RNF17: variants seen among roughly 807,000 people sequenced by gnomAD.
The protein encoded by RNF17 is spermatogenesis associated 23.
A neutral mutation model predicts 200.5 loss-of-function variants in RNF17; 31 were observed. The observed-to-expected ratio is 0.15, with a 90% CI of 0.12 to 0.21. RNF17 has a LOEUF of 0.21. RNF17 is among the 10% of genes least tolerant of loss of function. The pLI, the probability that RNF17 is intolerant of heterozygous loss-of-function variation, is 1.00. For synonymous variants in RNF17, 606 were observed against 637.8 expected (o/e 0.95, Z 0.75); for missense variants, 1,628 against 1,905.1 (o/e 0.85, Z 2.71).
At chr13:24,883,503 T>C (rs1396768379), downstream of RNF17, 17 of 609,542 alleles carry the variant, frequency 2.8e-5, no homozygotes, top group Middle Eastern at 4.4e-4. Context: ...CCCTATACAA[T>C]TGTAACTTTC....
intron 15 of RNF17, among the ~76,000 whole-genome samples, chr13:24,812,110 G>C (rs889502680): frequency 6.8e-6 from 1 of 147,368 alleles, no homozygotes; most frequent in African/African-American, 2.4e-5. Context: ...TCTGTGCCCT[G>C]CCCCCAGAGG....
downstream of RNF17, chr13:24,884,084 CT>C: frequency 6.3e-7 from 1 of 1,575,026 alleles, no homozygotes; most frequent in Non-Finnish European, 8.6e-7. Flanking sequence ...TAATGTTTTT[CT>C]GTTTAAAAAG....
downstream of RNF17, among the ~76,000 whole-genome samples, chr13:24,884,762 TTC>T (rs1480693401): frequency 6.6e-6 from 1 of 152,204 alleles, no homozygotes; most frequent in Non-Finnish European, 1.5e-5. Flanking sequence ...TTCTTTGTCC[TTC>T]TCTCATTCCT....
In RNF17 at chr13:24,842,087, T is replaced by C. The variant is rs767670292; in HGVS notation, c.2529T>C (p.Leu843=). ...NVLLVELFDS[L]GAPEMTTTSI... ...TCTTAGTTGAGCTTTTCGATTCTCT[T>C]GGTGCTCCTGAAATGACTACTACTA... is the stretch of plus-strand genomic sequence containing the variant. Residue 843 remains leucine (L), a synonymous_variant, in exon 19 of 36, where the codon CTT becomes CTC. Coordinates refer to ENST00000255324, the MANE Select transcript of RNF17 (RefSeq NM_031277.3). 7 of 1,611,938 alleles carry C rather than the reference T, an allele frequency of 4.3e-6. No individual in the cohort carries two copies. In the Admixed American group the frequency reaches 1.2e-4, roughly 27 times the overall value.
chr13:24,788,033 T>C lies in RNF17; in HGVS notation c.657T>C (p.Tyr219=). The change falls in exon 7 of 36, where the codon TAT becomes TAC. Residue 219 remains tyrosine, a synonymous_variant. Coordinates refer to ENST00000255324, the MANE Select transcript of RNF17 (RefSeq NM_031277.3). ...CEEFARTTDD[Y]LSNLIKAKSY... is the part of the protein sequence containing the mutation. The stretch of plus-strand genomic sequence containing the variant: ...AATTTGCAAGAACTACTGATGATTA[T>C]CTATCAAATTTAATAAAGGCTAAAA... 3.2e-6 allele frequency: 5 copies of C among 1,585,168 alleles called. No individual in the cohort carries two copies. Among genetic ancestry groups the C allele is most frequent in the Non-Finnish European group, 4.3e-6 (5 of 1,171,202 alleles).
rs201332028 is a variant in RNF17, at chr13:24,861,306, G to A, written c.3813G>A (p.Pro1271=). ...YLDHGFTEKI[P]QCHLYPILLY... is the part of the protein sequence containing the mutation. ...ATCATGGATTCACTGAAAAGATTCC[G>A]CAGTGCCATCTTTACCCTATTTTGC... The change falls in exon 27 of 36, where the codon CCG becomes CCA. Residue 1271 remains proline, a synonymous_variant. Coordinates refer to ENST00000255324, the MANE Select transcript of RNF17 (RefSeq NM_031277.3). 1.4e-5 allele frequency: 23 copies of A among 1,593,030 alleles called. No homozygotes were observed. Among genetic ancestry groups the A allele is most frequent in the Middle Eastern group, 1.7e-4 (1 of 6,010 alleles).
rs748319978 is a variant in RNF17, at chr13:24,876,351, C to T, written c.4584-646C>T. The stretch of plus-strand genomic sequence containing the variant: ...CCTGGAAGGTGGAACTTGGGTTGCT[C>T]CCCGCTTTTGGGTCTTGTGAATAAT... On this transcript the variant is annotated intron_variant, in intron 33 of 35. Coordinates refer to ENST00000255324, the MANE Select transcript of RNF17 (RefSeq NM_031277.3). Among the ~76,000 whole-genome samples the T allele has an allele frequency of 1.6e-4, 25 of 152,094 alleles. 1 individual carries two copies. The highest frequency in any genetic ancestry group is 2.8e-4 in the Non-Finnish European group (19 of 68,034).
chr13:24,828,788 T>A (rs1275091996), intron 16 of RNF17, among the ~76,000 whole-genome samples: 1 of 151,912 alleles, frequency 6.6e-6, no homozygotes. Flanking sequence ...AAATGTTAGT[T>A]TGATTTTTTT....
At chr13:24,785,522 C>T (rs1468323653) in intron 6 of RNF17, among the ~76,000 whole-genome samples, 6 of 152,150 alleles carry the variant, frequency 3.9e-5, no homozygotes, top group African/African-American at 1.4e-4. Context: ...AACATATGTT[C>T]TGTCTCAAAA....
intron 18 of RNF17, 66 bp from the exon 19 acceptor site, chr13:24,841,975 A>T: frequency 6.8e-7 from 1 of 1,466,916 alleles, no homozygotes; most frequent in South Asian, 1.3e-5. Flanking sequence ...CCAAAAAAAA[A>T]AATTGCCTCA....
chr13:24,830,418 C>A, intron 16 of RNF17, 66 bp from the exon 17 acceptor site: 1 of 924,362 alleles, frequency 1.1e-6, no homozygotes, highest in South Asian at 1.5e-5. Flanking sequence ...GGCCATAAAC[C>A]AATCTAAATT....
intron 22 of RNF17, among the ~76,000 whole-genome samples, chr13:24,846,825 G>C (rs987861327): frequency 1.3e-5 from 2 of 152,154 alleles, no homozygotes; most frequent in Non-Finnish European, 1.5e-5. Context: ...TCTCAAATTT[G>C]ATCACTGACT....
intron 25 of RNF17, among the ~76,000 whole-genome samples, chr13:24,857,311 T>C (rs531505780): frequency 6.7e-6 from 1 of 150,134 alleles, no homozygotes; most frequent in African/African-American, 2.4e-5. Context: ...AGTCCCATTT[T>C]TTTTGTACAC....
chr13:24,826,815 C>T (rs989975846), intron 16 of RNF17, among the ~76,000 whole-genome samples: 1 of 151,570 alleles, frequency 6.6e-6, no homozygotes, highest in Non-Finnish European at 1.5e-5. Flanking sequence ...AATCCCAGCA[C>T]TTTGGGAGGC....
chr13:24,807,927 C>G (rs1340348135), intron 15 of RNF17, among the ~76,000 whole-genome samples: 1 of 151,804 alleles, frequency 6.6e-6, no homozygotes, highest in African/African-American at 2.4e-5. Context: ...GCTTGTTTTT[C>G]TCAGGTTTGT....
intron 16 of RNF17, among the ~76,000 whole-genome samples, chr13:24,826,540 G>A (rs1347376404): frequency 6.6e-6 from 1 of 152,144 alleles, no homozygotes; most frequent in Admixed American, 6.5e-5. Flanking sequence ...TTGGGAGGCT[G>A]AGGTGGGTGG....
At chr13:24,877,766 A>G (rs948133521) in intron 34 of RNF17, among the ~76,000 whole-genome samples, 2 of 152,218 alleles carry the variant, frequency 1.3e-5, no homozygotes, top group African/African-American at 2.4e-5. Context: ...TACTAATCTC[A>G]TAATTGTACT....
the RNF17 span, chr13:24,886,307 G>A: frequency 1.6e-6 from 2 of 1,289,148 alleles, no homozygotes; most frequent in African/African-American, 3.0e-5. Context: ...GATGTTACGG[G>A]AGAATGGCCT....
chr13:24,778,221 C>G, intron 3 of RNF17, 74 bp from the exon 4 acceptor site: 1 of 954,586 alleles, frequency 1.0e-6, no homozygotes, highest in Non-Finnish European at 1.6e-6. Context: ...ATGATGGTGC[C>G]ACTGCACTCT....
Sources: allele counts gnomAD v4.1 joint callset (sites outside exome capture counted in the v4.1 genomes callset), GRCh38; gene constraint gnomAD v4.1.1; transcripts MANE v1.5; gene names NCBI Gene and HGNC (gene_info 2026-07-23, HGNC 2026-07-21).